Variants in ANXA8 observed in about 807,000 individuals in gnomAD.
ANXA8 encodes the protein annexin A8.
A neutral mutation model predicts 26.8 loss-of-function variants in ANXA8; 9 were observed. The ratio of observed to expected loss-of-function variants is 0.34; its 90% CI spans 0.20 to 0.59. The LOEUF (loss-of-function observed/expected upper bound fraction) is 0.59, where lower values mean the gene tolerates loss of function less well. Ranked by LOEUF, ANXA8 falls within the 20% of genes least tolerant of loss-of-function variation. The probability of loss-of-function intolerance (pLI) is 0.84; values close to 1 mark genes in which losing one functional copy is unlikely to be tolerated. For synonymous variants in ANXA8, 39 were observed against 94.8 expected, an observed-to-expected ratio of 0.41 and a Z score of 3.42; for missense variants, 83 against 238.5, an observed-to-expected ratio of 0.35 and a Z score of 4.29.
chr10:47,930,455 A>G, the ANXA8 span, among the ~76,000 whole-genome samples: 2 of 147,076 alleles, frequency 1.4e-5, no homozygotes, highest in East Asian at 2.0e-4. Context: ...GTGAGCCATG[A>G]TCACACCGTT....
At chr10:47,619,242 C>T in the ANXA8 span, among the ~76,000 whole-genome samples, 1 of 113,168 alleles carries the variant, frequency 8.8e-6, no homozygotes, top group East Asian at 2.1e-4. Context: ...TATACTTCTA[C>T]TATTCTACCC....
At chr10:47,949,537 T>C in the ANXA8 span, among the ~76,000 whole-genome samples, 1 of 150,614 alleles carries the variant, frequency 6.6e-6, no homozygotes, top group African/African-American at 2.5e-5. Flanking sequence ...CCTTAAAAGA[T>C]AATTGATTGT....
At chr10:47,616,332 CTG>C in the ANXA8 span, among the ~76,000 whole-genome samples, 1 of 65,070 alleles carries the variant, frequency 1.5e-5, no homozygotes, top group Non-Finnish European at 3.8e-5. Context: ...CTTTGTAACT[CTG>C]TGCTACCTAT....
chr10:47,743,297 CATATATATATATAT>C, the ANXA8 span, among the ~76,000 whole-genome samples: 4 of 57,066 alleles, frequency 7.0e-5, no homozygotes, highest in African/African-American at 1.7e-4. Flanking sequence ...TATATATACA[CATATATATATATAT>C]ACACATATAT....
chr10:47,622,100 G>C, the ANXA8 span, among the ~76,000 whole-genome samples: 2 of 112,106 alleles, frequency 1.8e-5, no homozygotes, highest in East Asian at 4.3e-4. Context: ...GAAAAAGTTT[G>C]CTTCACATCA....
chr10:47,683,483 C>G, the ANXA8 span, among the ~76,000 whole-genome samples: 1 of 151,944 alleles, frequency 6.6e-6, no homozygotes, highest in Non-Finnish European at 1.5e-5. Flanking sequence ...CCGCCTCAGC[C>G]TCCCAGCATT....
the ANXA8 span, among the ~76,000 whole-genome samples, chr10:47,666,783 A>C: frequency 6.6e-6 from 1 of 151,960 alleles, no homozygotes; most frequent in African/African-American, 2.4e-5. Context: ...TAAAACAAAC[A>C]GTAATTCTCA....
At chr10:47,693,873 AT>A in the ANXA8 span, among the ~76,000 whole-genome samples, 1 of 151,958 alleles carries the variant, frequency 6.6e-6, no homozygotes, top group Admixed American at 6.5e-5. Flanking sequence ...TTTTTCTTTA[AT>A]TTGTTTCATT....
At chr10:47,580,579 A>G in the ANXA8 span, among the ~76,000 whole-genome samples, 4 of 150,098 alleles carry the variant, frequency 2.7e-5, no homozygotes, top group East Asian at 7.8e-4. Context: ...CTACGAAAAA[A>G]AAATTTTAAA....
chr10:47,584,051 G>A, the ANXA8 span, among the ~76,000 whole-genome samples: 2 of 142,744 alleles, frequency 1.4e-5, no homozygotes, highest in East Asian at 2.0e-4. Context: ...GTGGTGGCCC[G>A]CGCCTGTGGT....
chr10:47,506,372 C>T, the ANXA8 span, among the ~76,000 whole-genome samples: 46 of 139,796 alleles, frequency 3.3e-4, 4 homozygotes, highest in Middle Eastern at 0.018. Flanking sequence ...TCTCTGTCAC[C>T]CAGGCTGGGG....
the ANXA8 span, among the ~76,000 whole-genome samples, chr10:47,975,700 G>T: frequency 6.6e-6 from 1 of 151,086 alleles, no homozygotes; most frequent in African/African-American, 2.4e-5. Flanking sequence ...AGCATTAGAT[G>T]CTCACCTTGT....
chr10:47,562,094 ACTC>A, the ANXA8 span, among the ~76,000 whole-genome samples: 1 of 151,800 alleles, frequency 6.6e-6, no homozygotes, highest in Non-Finnish European at 1.5e-5. Context: ...GTAAGCACAT[ACTC>A]CTCTAAATAT....
chr10:47,968,639 T>A, the ANXA8 span, among the ~76,000 whole-genome samples: 449 of 147,316 alleles, frequency 3.0e-3, 2 homozygotes, highest in African/African-American at 0.01. Flanking sequence ...GATGAAGCAC[T>A]AGCCATCTCT....
the ANXA8 span, among the ~76,000 whole-genome samples, chr10:47,624,211 C>G: frequency 3.4e-5 from 3 of 89,112 alleles, no homozygotes; most frequent in South Asian, 1.2e-3. Flanking sequence ...CACTGCCACT[C>G]CAGCCTGGGA....
At chr10:47,645,757 A>C in the ANXA8 span, among the ~76,000 whole-genome samples, 5 of 149,952 alleles carry the variant, frequency 3.3e-5, no homozygotes, top group African/African-American at 1.3e-4. Context: ...AGTGAAGAGG[A>C]TCATCCTCAC....
the ANXA8 span, among the ~76,000 whole-genome samples, chr10:47,974,932 G>GA: frequency 6.7e-6 from 1 of 149,762 alleles, no homozygotes; most frequent in Non-Finnish European, 1.5e-5. Context: ...GCTGAAATTA[G>GA]AAAAAGAGGT....
At chr10:47,702,093 G>T in the ANXA8 span, among the ~76,000 whole-genome samples, 1 of 149,810 alleles carries the variant, frequency 6.7e-6, no homozygotes, top group African/African-American at 2.5e-5. Flanking sequence ...ATTTCTCACT[G>T]TTGGAGAAAG....
At chr10:47,733,221 C>CTTCTTTCTTTCTT in the ANXA8 span, among the ~76,000 whole-genome samples, 1 of 58,256 alleles carries the variant, frequency 1.7e-5, no homozygotes, top group East Asian at 5.5e-4. Flanking sequence ...TTCTTTCTTT[C>CTTCTTTCTTTCTT]TCTTTCTTTC....
Sources: gnomAD v4.1 joint callset for allele counts (sites outside exome capture counted in the v4.1 genomes callset) on GRCh38, gnomAD v4.1.1 for gene constraint, MANE v1.5 for transcripts, NCBI Gene and HGNC (gene_info 2026-07-23, HGNC 2026-07-21) for gene names.